FHIT: variants seen among roughly 807,000 people sequenced by gnomAD.
The protein encoded by FHIT is fragile histidine triad diadenosine triphosphatase, also known as bis(5'-adenosyl)-triphosphatase.
In FHIT, 19 loss-of-function variants were observed where a neutral mutation model predicts 17.9. The ratio of observed to expected loss-of-function variants is 1.06; its 90% confidence interval spans 0.74 to 1.56. The LOEUF is 1.56. Among genes scored for constraint, FHIT ranks in the 40% most tolerant of loss-of-function variants. The probability of loss-of-function intolerance (pLI) is 0.00; values close to 1 mark genes in which losing one functional copy is unlikely to be tolerated. For missense variants in FHIT, 248 were observed against 189.2 expected, an observed-to-expected ratio of 1.31 and a Z score of -1.82; for synonymous variants, 81 against 69.7, an observed-to-expected ratio of 1.16 and a Z score of -0.81.
In FHIT at chr3:60,608,705, A is replaced by G. The variant is rs58005655; in HGVS notation, c.-17-71726T>C. 2.3e-3 allele frequency among the ~76,000 whole-genome samples: 347 copies of G among 152,300 alleles called. 2 individuals are homozygous for G. The highest frequency in any genetic ancestry group is 8.2e-3 in the African/African-American group (341 of 41,568). ...CAATCTAGACTTTGTTTTTAGGAAT[A>G]TATTTTAGGAATAATAAATACAAAA... On this transcript the variant is annotated intron_variant, in intron 4 of 9. Transcript: ENST00000492590.
chr3:60,957,268 C>T (rs1553779233), intron 3 of FHIT, among the ~76,000 whole-genome samples: 2 of 118,950 alleles, frequency 1.7e-5, no homozygotes, highest in Non-Finnish European at 3.4e-5. Flanking sequence ...GACAGAATCT[C>T]ACTTTGTTGC....
chr3:61,156,422 C>A (rs1437168895), intron 2 of FHIT, among the ~76,000 whole-genome samples: 1 of 152,048 alleles, frequency 6.6e-6, no homozygotes, highest in African/African-American at 2.4e-5. Context: ...GCACCCTGAA[C>A]TTCCTCTTCA....
intron 7 of FHIT, among the ~76,000 whole-genome samples, chr3:59,948,783 A>G (rs549283284): frequency 3.0e-4 from 46 of 151,988 alleles, no homozygotes; most frequent in Admixed American, 1.6e-3. Context: ...TGAAATGTCT[A>G]TTTATGTCTT....
At chr3:61,201,989 CAT>C (rs985863493) in intron 1 of FHIT, among the ~76,000 whole-genome samples, 2 of 151,228 alleles carry the variant, frequency 1.3e-5, no homozygotes, top group Non-Finnish European at 2.9e-5. Context: ...TACATATGTG[CAT>C]ATATATACAC....
intron 2 of FHIT, among the ~76,000 whole-genome samples, chr3:61,049,768 G>A (rs78710516): frequency 1.2e-3 from 190 of 152,210 alleles, no homozygotes; most frequent in Middle Eastern, 3.4e-3. Flanking sequence ...CAGCAGAAGC[G>A]GGAAGGTCAC....
At chr3:61,209,873 A>G (rs942233041) in intron 1 of FHIT, among the ~76,000 whole-genome samples, 1 of 152,110 alleles carries the variant, frequency 6.6e-6, no homozygotes, top group Non-Finnish European at 1.5e-5. Context: ...GTTCCTTTGG[A>G]GGAGGAGAGG....
At chr3:60,793,831 G>C (rs548691189) in intron 4 of FHIT, among the ~76,000 whole-genome samples, 101 of 152,222 alleles carry the variant, frequency 6.6e-4, no homozygotes, top group Admixed American at 1.6e-3. Context: ...AGCACTTCCA[G>C]CTCTCAGCAG....
intron 4 of FHIT, among the ~76,000 whole-genome samples, chr3:60,693,039 C>T (rs187417077): frequency 2.5e-4 from 38 of 152,282 alleles, no homozygotes; most frequent in African/African-American, 8.7e-4. Flanking sequence ...TAGTAGAATT[C>T]TCTACAAGAA....
chr3:60,709,694 C>A (rs1400793529), intron 4 of FHIT, among the ~76,000 whole-genome samples: 2 of 152,184 alleles, frequency 1.3e-5, no homozygotes, highest in Non-Finnish European at 2.9e-5. Flanking sequence ...GCAATATCAT[C>A]ATTGACCTTT....
intron 5 of FHIT, among the ~76,000 whole-genome samples, chr3:60,392,281 G>A (rs1046442156): frequency 3.9e-5 from 6 of 152,144 alleles, no homozygotes; most frequent in Admixed American, 2.0e-4. Flanking sequence ...AATTTATGGC[G>A]AAGCTTGGAT....
intron 3 of FHIT, among the ~76,000 whole-genome samples, chr3:60,941,535 C>T (rs1314487051): frequency 6.6e-6 from 1 of 152,194 alleles, no homozygotes; most frequent in African/African-American, 2.4e-5. Context: ...GAAGCAATCA[C>T]TATTCTGAAT....
At chr3:60,533,183 G>C (rs1479667599) in intron 5 of FHIT, among the ~76,000 whole-genome samples, 2 of 152,188 alleles carry the variant, frequency 1.3e-5, no homozygotes, top group East Asian at 3.8e-4. Flanking sequence ...GGATGAAGGG[G>C]AAGCTGGGAA....
chr3:61,169,813 A>T (rs2037950442), intron 2 of FHIT, among the ~76,000 whole-genome samples: 1 of 152,168 alleles, frequency 6.6e-6, no homozygotes, highest in African/African-American at 2.4e-5. Flanking sequence ...TCAACTCCAA[A>T]TACAACAAAG....
intron 2 of FHIT, among the ~76,000 whole-genome samples, chr3:61,147,273 G>A (rs2037252825): frequency 1.3e-5 from 2 of 152,010 alleles, no homozygotes; most frequent in African/African-American, 2.4e-5. Context: ...TTTAATATTA[G>A]CAGTTATATT....
At chr3:59,913,508 T>C (rs1284347872) in intron 8 of FHIT, among the ~76,000 whole-genome samples, 1 of 152,178 alleles carries the variant, frequency 6.6e-6, no homozygotes, top group Non-Finnish European at 1.5e-5. Context: ...ATGATATGCT[T>C]GGCACCTAGC....
At chr3:60,399,646 G>A (rs1293533586) in intron 5 of FHIT, among the ~76,000 whole-genome samples, 1 of 152,072 alleles carries the variant, frequency 6.6e-6, no homozygotes, top group Non-Finnish European at 1.5e-5. Flanking sequence ...ACTTTTTCTA[G>A]GAAAATGATT....
At chr3:60,816,465 G>C (rs879964028) in intron 4 of FHIT, among the ~76,000 whole-genome samples, 2 of 152,050 alleles carry the variant, frequency 1.3e-5, no homozygotes, top group South Asian at 4.2e-4. Flanking sequence ...TTGGATTATA[G>C]CAAAAGCTTT....
At chr3:61,054,687 C>G (rs60746884) in intron 2 of FHIT, among the ~76,000 whole-genome samples, 3 of 152,092 alleles carry the variant, frequency 2.0e-5, no homozygotes, top group Admixed American at 1.3e-4. Context: ...CAAGCCAGAT[C>G]TAGACATTTC....
chr3:60,554,231 T>A (rs2036666126), intron 4 of FHIT, among the ~76,000 whole-genome samples: 2 of 134,604 alleles, frequency 1.5e-5, no homozygotes, highest in Non-Finnish European at 3.1e-5. Context: ...CTGAGATTCA[T>A]CTTAACGGTT....
Sources: allele counts gnomAD v4.1 joint callset (sites outside exome capture counted in the v4.1 genomes callset), GRCh38; gene constraint gnomAD v4.1.1; transcripts MANE v1.5; gene names NCBI Gene and HGNC (gene_info 2026-07-23, HGNC 2026-07-21).